Variants in KIF25 observed in about 807,000 individuals in gnomAD.
KIF25 encodes kinesin family member 25.
KIF25 carries 19 observed loss-of-function variants against 32.9 expected under a neutral mutation model. The observed-to-expected ratio is 0.58, with a 90% CI of 0.40 to 0.85. KIF25 has a LOEUF of 0.85. KIF25 is among the 40% of genes least tolerant of loss of function. The pLI, the probability that KIF25 is intolerant of heterozygous loss-of-function variation, is 0.00. For synonymous variants in KIF25, 225 were observed against 213.7 expected (o/e 1.05, Z -0.46); for missense variants, 485 against 507.0 (o/e 0.96, Z 0.42).
chr6:168,043,438 C>A (rs1345456657), intron 12 of KIF25, among the ~76,000 whole-genome samples: 1 of 152,136 alleles, frequency 6.6e-6, no homozygotes, highest in Non-Finnish European at 1.5e-5. Flanking sequence ...GAGGGCCACC[C>A]TGGGAGGTGG....
intron 11 of KIF25, among the ~76,000 whole-genome samples, 172 bp from the exon 12 acceptor site, chr6:168,042,389 G>A (rs561288936): frequency 3.3e-5 from 5 of 152,272 alleles, no homozygotes; most frequent in African/African-American, 1.2e-4. Context: ...TTCCCAGCAG[G>A]AGCTCGCTTT....
intron 4 of KIF25, among the ~76,000 whole-genome samples, chr6:168,016,219 C>T (rs1322037387): frequency 3.3e-5 from 5 of 152,050 alleles, no homozygotes; most frequent in Non-Finnish European, 5.9e-5. Flanking sequence ...GTGTTTTGAG[C>T]GTGAAGGGAA....
At chr6:168,029,375 A>T in intron 5 of KIF25, 117 bp from the exon 6 acceptor site, 1 of 666,290 alleles carries the variant, frequency 1.5e-6, no homozygotes, top group South Asian at 3.4e-5. Flanking sequence ...TAACTTAACT[A>T]GACAATTAAG....
In KIF25 at chr6:168,005,877, C is replaced by T. The variant is rs1465988347; in HGVS notation, c.-163+2174C>T. On this transcript the variant is annotated intron_variant, in intron 4 of 12. Transcript: ENST00000643607. Reference sequence around the variant, plus strand: ...TTTCCTTTGGCAACAGCCTCACAGCCACACCCAAGATCAATACTTTGTATC... The same window carrying T: ...TTTCCTTTGGCAACAGCCTCACAGCTACACCCAAGATCAATACTTTGTATC... Among the ~76,000 whole-genome samples the T allele has an allele frequency of 2.0e-5, 3 of 152,234 alleles. No individual in the cohort carries two copies. In the East Asian group the frequency reaches 5.8e-4, roughly 29 times the overall value.
chr6:168,044,781 A>T, intron 12 of KIF25, 46 bp from the exon 13 acceptor site: 1 of 1,529,446 alleles, frequency 6.5e-7, no homozygotes. Flanking sequence ...GCACTTTCAG[A>T]TGCTGCTCTT....
intron 7 of KIF25, among the ~76,000 whole-genome samples, 159 bp downstream of exon 7, chr6:168,031,006 C>T (rs531813759): frequency 3.0e-4 from 46 of 152,234 alleles, no homozygotes; most frequent in African/African-American, 1.1e-3. Flanking sequence ...CACTTGCATC[C>T]GTGGAGACTA....
intron 6 of KIF25, chr6:168,030,447 C>G (rs1223382856): frequency 7.0e-6 from 1 of 141,916 alleles, no homozygotes; most frequent in Admixed American, 7.1e-5. Context: ...CCTCCCTCCC[C>G]TCCCCTCTCA....
chr6:168,004,914 T>C (rs1195592416), intron 4 of KIF25, among the ~76,000 whole-genome samples: 2 of 152,208 alleles, frequency 1.3e-5, no homozygotes. Flanking sequence ...TAATCAAGTC[T>C]TGGGGACAGT....
At chr6:168,016,873 C>T (rs533547530) in intron 4 of KIF25, among the ~76,000 whole-genome samples, 3 of 152,190 alleles carry the variant, frequency 2.0e-5, no homozygotes, top group Admixed American at 1.3e-4. Context: ...GAGGCACAGC[C>T]GAGGCTCTGT....
chr6:168,002,057 TC>T (rs1798513496), intron 2 of KIF25, among the ~76,000 whole-genome samples: 5 of 112,220 alleles, frequency 4.5e-5, no homozygotes, highest in African/African-American at 1.6e-4. Flanking sequence ...AGGCATGGCC[TC>T]GGGCAGGTGA....
At chr6:168,000,526 C>T (rs1381067342) in intron 2 of KIF25, among the ~76,000 whole-genome samples, 1 of 139,572 alleles carries the variant, frequency 7.2e-6, no homozygotes, top group African/African-American at 2.7e-5. Flanking sequence ...CCTGTCTATA[C>T]CTGCCCCTCC....
At chr6:168,034,880 C>T (rs896345650) in intron 8 of KIF25, among the ~76,000 whole-genome samples, 3 of 152,056 alleles carry the variant, frequency 2.0e-5, no homozygotes, top group South Asian at 2.1e-4. Context: ...TCTCAGTGGC[C>T]GGGCGCGGTG....
chr6:168,028,323 T>C (rs1476989490), intron 5 of KIF25, among the ~76,000 whole-genome samples: 1 of 152,166 alleles, frequency 6.6e-6, no homozygotes, highest in African/African-American at 2.4e-5. Context: ...GTGCTAGGAT[T>C]ACAGGCGTGA....
At chr6:168,031,326 C>T (rs1022758175) in intron 7 of KIF25, among the ~76,000 whole-genome samples, 1 of 152,134 alleles carries the variant, frequency 6.6e-6, no homozygotes, top group Admixed American at 6.5e-5. Flanking sequence ...TTAATGGAGA[C>T]ACCTTAAGCC....
intron 8 of KIF25, 130 bp downstream of exon 8, chr6:168,034,161 T>C: frequency 1.2e-6 from 1 of 866,802 alleles, no homozygotes. Flanking sequence ...TCTCATCAGA[T>C]ACATTCAACA....
intron 7 of KIF25, among the ~76,000 whole-genome samples, chr6:168,033,427 G>T (rs1798969458): frequency 6.6e-6 from 1 of 151,310 alleles, no homozygotes; most frequent in Non-Finnish European, 1.5e-5. Flanking sequence ...TTGAACCCAG[G>T]AGGCAGAGGT....
chr6:168,018,775 TC>T (rs1401567085), intron 5 of KIF25, among the ~76,000 whole-genome samples: 1 of 152,184 alleles, frequency 6.6e-6, no homozygotes, highest in East Asian at 1.9e-4. Flanking sequence ...GGCTCTGTCC[TC>T]CTGCTCCTCG....
chr6:168,007,746 C>G (rs574144039), intron 4 of KIF25, among the ~76,000 whole-genome samples: 1 of 151,562 alleles, frequency 6.6e-6, no homozygotes, highest in Non-Finnish European at 1.5e-5. Flanking sequence ...TGATGGCTCC[C>G]GTTGTTAGGG....
chr6:167,999,606 C>T (rs1798469636), intron 2 of KIF25, among the ~76,000 whole-genome samples: 1 of 152,174 alleles, frequency 6.6e-6, no homozygotes, highest in African/African-American at 2.4e-5. Context: ...TGGTTTGCCT[C>T]TGCGGGGTCC....
Sources: allele counts gnomAD v4.1 joint callset (sites outside exome capture counted in the v4.1 genomes callset), GRCh38; gene constraint gnomAD v4.1.1; transcripts MANE v1.5; gene names NCBI Gene and HGNC (gene_info 2026-07-23, HGNC 2026-07-21).